ABCC3: variants seen among roughly 807,000 people sequenced by gnomAD.
ABCC3 encodes the protein ATP-binding cassette sub-family C member 3.
Under a neutral mutation model 165.3 loss-of-function variants are expected in ABCC3, and 121 were observed. That is an observed-to-expected ratio of 0.73 (90% confidence interval 0.63 to 0.85). The LOEUF is 0.85. Ranked by LOEUF, ABCC3 falls within the 40% of genes least tolerant of loss-of-function variation. The pLI, the probability that ABCC3 is intolerant of heterozygous loss-of-function variation, is 0.00. For missense variants in ABCC3, 1,869 were observed against 1,964.1 expected (o/e 0.95, Z 0.92); for synonymous variants, 733 against 810.1 (o/e 0.90, Z 1.62).
chr17:50,673,773 T>C, intron 19 of ABCC3, 115 bp downstream of exon 19: 2 of 1,077,202 alleles, frequency 1.9e-6, no homozygotes, highest in East Asian at 5.0e-5. Context: ...TCTGGGAAAC[T>C]TGGGCCATCT....
intron 17 of ABCC3, among the ~76,000 whole-genome samples, chr17:50,670,251 T>G (rs970403272): frequency 6.6e-6 from 1 of 151,944 alleles, no homozygotes; most frequent in Non-Finnish European, 1.5e-5. Flanking sequence ...CTTGGCTAAT[T>G]TTTGTGTTTT....
chr17:50,638,939 G>A lies in ABCC3; in HGVS notation c.45+3958G>A, dbSNP rs977114402. 3.3e-5 allele frequency among the ~76,000 whole-genome samples: 5 copies of A among 152,202 alleles called. No individual in the cohort carries two copies. In the East Asian group the frequency reaches 7.7e-4, roughly 23 times the overall value. On this transcript the variant is annotated intron_variant, in intron 1 of 30. Transcript: ENST00000285238. ...GGAAGGATGAGCCTTGGGCTTGGGGGCGAAGGCTATGCATGATTAGGGCCC... is the reference window on the plus strand; with the variant it reads ...GGAAGGATGAGCCTTGGGCTTGGGGACGAAGGCTATGCATGATTAGGGCCC...
chr17:50,645,226 T>A (rs66966158), intron 1 of ABCC3, among the ~76,000 whole-genome samples: 32,536 of 145,582 alleles, frequency 0.22, 4,210 homozygotes, highest in Non-Finnish European at 0.29. Flanking sequence ...AGAAAGAAAT[T>A]AACCAGCCGT....
intron 1 of ABCC3, among the ~76,000 whole-genome samples, chr17:50,645,213 A>G (rs556967655): frequency 1.5e-4 from 22 of 151,098 alleles, no homozygotes; most frequent in South Asian, 4.2e-4. Context: ...AAAAAAAAAA[A>G]AAAGAAAGAA....
In ABCC3 at chr17:50,687,711, A is replaced by G; in HGVS notation, c.4456A>G (p.Thr1486Ala). ...CCTGACCATCGCACACCGGCTTAAC[A>G]CTATCATGGACTACACCAGGTGGGA... ...TVLTIAHRLN[T>A]IMDYTRVLVL... Residue 1486 changes from threonine (T) to alanine (A), a missense_variant, in exon 30 of 31, where the codon ACT (threonine) becomes GCT (alanine). Transcript: ENST00000285238. 2.5e-6 allele frequency: 4 copies of G among 1,613,968 alleles called. No individual in the cohort carries two copies. The highest frequency in any genetic ancestry group is 2.2e-5 in the South Asian group (2 of 91,078).
intron 30 of ABCC3, chr17:50,688,425 G>A (rs886895499): frequency 3.3e-5 from 5 of 152,360 alleles, no homozygotes; most frequent in Non-Finnish European, 5.9e-5. Context: ...TCTGGTCACA[G>A]ATGAAGAAGC....
chr17:50,675,038 G>A (rs140697373), intron 19 of ABCC3, among the ~76,000 whole-genome samples: 2,712 of 151,698 alleles, frequency 0.018, 42 homozygotes, highest in Non-Finnish European at 0.026. Context: ...GACCTCGTGA[G>A]CTGCCTGCCT....
At position 50,675,306 on chromosome 17, in the gene ABCC3, G is replaced by A. The variant is rs938516373; in HGVS notation, c.2600-56G>A. On this transcript the variant is annotated intron_variant, in intron 19 of 30. Transcript: ENST00000285238. ...TTAGAGTGGGGAATGGGAGATACCA[G>A]GGGCTTGCAGGGAGAACTAGCTGAA... is the stretch of plus-strand genomic sequence containing the variant. 15 of 1,297,852 alleles carry A rather than the reference G, an allele frequency of 1.2e-5. No individual in the cohort carries two copies. The African/African-American group carries it at 2.0e-4, about 18-fold the overall frequency. 80.4% of individuals were successfully genotyped at this position (1,297,852 alleles called of 1,614,324 possible).
intron 10 of ABCC3, 35 bp from the exon 11 acceptor site, chr17:50,665,118 C>T (rs747864486): frequency 2.7e-5 from 42 of 1,583,462 alleles, no homozygotes; most frequent in Middle Eastern, 1.7e-4. Context: ...GGTAATCTGT[C>T]CCTATGTGTC....
At position 50,671,702 on chromosome 17, in the gene ABCC3, C is replaced by CTTTTTTTTTTT. The variant is rs386386244; in HGVS notation, c.2242-1249_2242-1239dup. Among the ~76,000 whole-genome samples, 14 of 56,396 alleles carry CTTTTTTTTTTT rather than the reference C, an allele frequency of 2.5e-4. 3 individuals are homozygous for CTTTTTTTTTTT. Among genetic ancestry groups the CTTTTTTTTTTT allele is most frequent in the Non-Finnish European group, 3.9e-4 (11 of 28,278 alleles). The allele number at this position is 56,396 out of a possible 152,430, so 37.0% of individuals were successfully genotyped here. A position where few individuals can be genotyped will look rare whatever the true frequency, so the allele number is the denominator to read the frequency against. On this transcript the variant is annotated intron_variant, in intron 17 of 30. Coordinates refer to ENST00000285238, the MANE Select transcript of ABCC3 (RefSeq NM_003786.4). ...AGCTCAGGTCTCTCTTCCTTCCTTC[C>CTTTTTTTTTTT]TTTTTTTTTTTTTTTTTTTTTTTTT...
At chr17:50,635,639 C>T in intron 1 of ABCC3, 2 of 700,512 alleles carry the variant, frequency 2.9e-6, no homozygotes, top group South Asian at 3.0e-5. Flanking sequence ...CAACTCCCTT[C>T]TCACAGATGG....
rs1261462235 is a variant in ABCC3 at position 50,646,332 on chromosome 17, G to A, written c.46-9500G>A. 6.6e-5 allele frequency among the ~76,000 whole-genome samples: 10 copies of A among 152,180 alleles called. No individual in the cohort carries two copies. In the East Asian group the frequency reaches 1.5e-3, roughly 23 times the overall value. ...GTGGCTGGAGTGAAGCAGGAAAGGC[G>A]GGGAGAGGGTCATGGGTTGGGGGAA... is the stretch of plus-strand genomic sequence containing the variant. On this transcript the variant is annotated intron_variant, in intron 1 of 30. Transcript: ENST00000285238.
rs1385045532 is a variant in ABCC3, at chr17:50,664,001, G to T, written c.1228G>T (p.Val410Phe). ...VKRASTVGEI[V>F]NLMSVDAQRF... ...ACGTGCGTCCACTGTGGGGGAAATTGTCAACCTCATGTCAGTGGATGCCCA... is the reference window on the plus strand; with the variant it reads ...ACGTGCGTCCACTGTGGGGGAAATTTTCAACCTCATGTCAGTGGATGCCCA... The change falls in exon 10 of 31, where the codon GTC becomes TTC. Residue 410 changes from valine (V) to phenylalanine (F), a missense_variant. Transcript: ENST00000285238. The T allele has an allele frequency of 6.2e-7, 1 of 1,614,144 alleles. No individual in the cohort carries two copies. Among genetic ancestry groups the T allele is most frequent in the South Asian group, 1.1e-5 (1 of 91,082 alleles).
chr17:50,661,796 AG>A (rs1393816772), intron 8 of ABCC3, among the ~76,000 whole-genome samples: 36 of 152,178 alleles, frequency 2.4e-4, no homozygotes, highest in Admixed American at 7.2e-4. Context: ...TGGGGGCAGA[AG>A]TGTTCTCGGG....
chr17:50,650,636 C>A (rs757850823), intron 1 of ABCC3, among the ~76,000 whole-genome samples: 6 of 152,184 alleles, frequency 3.9e-5, no homozygotes, highest in Admixed American at 6.5e-5. Context: ...AACATCCTCA[C>A]GTCTTATAGC....
intron 10 of ABCC3, chr17:50,664,801 A>G (rs1967485330): frequency 4.1e-6 from 1 of 241,446 alleles, no homozygotes; most frequent in African/African-American, 2.3e-5. Context: ...GATGTCTGCA[A>G]AGGAATCTTC....
At chr17:50,669,585 C>G (rs1377413217) in intron 17 of ABCC3, 57 bp downstream of exon 17, 2 of 1,574,232 alleles carry the variant, frequency 1.3e-6, no homozygotes, top group African/African-American at 1.4e-5. Flanking sequence ...CCACCTCAAC[C>G]CAGCCCAGGT....
intron 1 of ABCC3, among the ~76,000 whole-genome samples, chr17:50,654,976 T>A (rs1406513797): frequency 2.0e-5 from 3 of 148,822 alleles, no homozygotes; most frequent in Admixed American, 1.4e-4. Context: ...GGTGGGCACC[T>A]GTAGTCCCAG....
intron 6 of ABCC3, among the ~76,000 whole-genome samples, chr17:50,658,829 G>A (rs769050423): frequency 4.6e-5 from 7 of 152,362 alleles, no homozygotes; most frequent in East Asian, 1.9e-4. Flanking sequence ...CCTTGGCTGC[G>A]CCTCAGAGCG....
Sources: allele counts gnomAD v4.1 joint callset (sites outside exome capture counted in the v4.1 genomes callset), GRCh38; gene constraint gnomAD v4.1.1; transcripts MANE v1.5; gene names NCBI Gene and HGNC (gene_info 2026-07-23, HGNC 2026-07-21).